Variants in CELF4 observed in about 807,000 individuals in gnomAD.
CELF4 encodes CUGBP Elav-like family member 4.
CELF4 carries 18 observed loss-of-function variants against 59.9 expected under a neutral mutation model. That is an observed-to-expected ratio of 0.30 (90% CI 0.21 to 0.45). CELF4 has a LOEUF of 0.45. Ranked by LOEUF, CELF4 falls within the 20% of genes least tolerant of loss-of-function variation. CELF4 has a pLI of 1.00. For synonymous variants in CELF4, 261 were observed against 267.1 expected (o/e 0.98, Z 0.22); for missense variants, 456 against 689.0 (o/e 0.66, Z 3.79).
intron 2 of CELF4, among the ~76,000 whole-genome samples, chr18:37,382,305 G>T (rs1356713448): frequency 3.9e-5 from 6 of 152,218 alleles, no homozygotes; most frequent in Non-Finnish European, 8.8e-5. Flanking sequence ...TGGCTCTTGA[G>T]CATGTTCTAA....
intron 2 of CELF4, among the ~76,000 whole-genome samples, chr18:37,448,833 C>T (rs1337559683): frequency 4.6e-5 from 7 of 152,202 alleles, no homozygotes; most frequent in Non-Finnish European, 1.0e-4. Context: ...CAGAATGTGT[C>T]TACTCACCCT....
intron 2 of CELF4, among the ~76,000 whole-genome samples, chr18:37,443,419 A>G (rs2099738725): frequency 6.6e-6 from 1 of 152,078 alleles, no homozygotes; most frequent in Admixed American, 6.5e-5. Flanking sequence ...CTCTGCATAA[A>G]GGCCCTGGGC....
intron 7 of CELF4, 117 bp downstream of exon 7, chr18:37,272,899 C>T: frequency 9.6e-7 from 1 of 1,038,984 alleles, no homozygotes; most frequent in Non-Finnish European, 1.4e-6. Flanking sequence ...CCTCTCGGGC[C>T]CAGACACTAT....
intron 1 of CELF4, among the ~76,000 whole-genome samples, chr18:37,535,890 C>T: frequency 6.6e-6 from 1 of 152,162 alleles, no homozygotes; most frequent in Non-Finnish European, 1.5e-5. Flanking sequence ...TTTTTGGGTT[C>T]CTCTAGTCTC....
At position 37,254,999 on chromosome 18, in the gene CELF4, C is replaced by T. The variant is rs564082260; in HGVS notation, c.1334-1061G>A. On this transcript the variant is annotated intron_variant, in intron 11 of 12. Transcript: ENST00000420428. This position sits in a 1 kb window ranked among gnomAD's most constrained non-coding sequence, Gnocchi z 5.1. ...AGCATATCAACAAATAACGTCCCCTCCCTCACCGAGTTGTAGTAAATGAAC... is the reference window on the plus strand; with the variant it reads ...AGCATATCAACAAATAACGTCCCCTTCCTCACCGAGTTGTAGTAAATGAAC... Among the ~76,000 whole-genome samples the T allele has an allele frequency of 1.3e-5, 2 of 152,346 alleles. No individual in the cohort carries two copies. The highest frequency in any genetic ancestry group is 2.1e-4 in the South Asian group (1 of 4,828).
chr18:37,403,679 C>T (rs1385934502), intron 2 of CELF4, among the ~76,000 whole-genome samples: 6 of 152,166 alleles, frequency 3.9e-5, no homozygotes, highest in Admixed American at 1.3e-4. Flanking sequence ...GGCAGGACAG[C>T]GCAGGTGTGT....
chr18:37,469,752 C>T (rs1272154427), intron 2 of CELF4, among the ~76,000 whole-genome samples: 2 of 152,180 alleles, frequency 1.3e-5, no homozygotes, highest in East Asian at 1.9e-4. Flanking sequence ...GGCCAGATAG[C>T]GGGTTTTCTT....
At chr18:37,364,815 TAGAA>T (rs1346673259) in intron 2 of CELF4, among the ~76,000 whole-genome samples, 3 of 152,012 alleles carry the variant, frequency 2.0e-5, no homozygotes, top group African/African-American at 7.2e-5. Context: ...TATGGGAAAA[TAGAA>T]AGAACAGAAG....
At chr18:37,512,614 TCTC>T (rs2099945785) in intron 1 of CELF4, among the ~76,000 whole-genome samples, 3 of 151,454 alleles carry the variant, frequency 2.0e-5, no homozygotes, top group East Asian at 3.9e-4. Context: ...TTCTCCTCCT[TCTC>T]CTCCTCCTCT....
At chr18:37,365,653 T>A (rs1375807483) in intron 2 of CELF4, among the ~76,000 whole-genome samples, 1 of 151,962 alleles carries the variant, frequency 6.6e-6, no homozygotes, top group Non-Finnish European at 1.5e-5. Flanking sequence ...ACTCGGCTAA[T>A]TTTTGTATTT....
intron 2 of CELF4, among the ~76,000 whole-genome samples, chr18:37,386,202 G>C (rs191683811): frequency 4.7e-4 from 71 of 152,300 alleles, no homozygotes; most frequent in African/African-American, 1.3e-3. Context: ...CTGTGGACCT[G>C]CAGATGTACA....
At chr18:37,446,579 G>A (rs756122421) in intron 2 of CELF4, among the ~76,000 whole-genome samples, 9 of 152,228 alleles carry the variant, frequency 5.9e-5, no homozygotes, top group Non-Finnish European at 1.0e-4. Context: ...GGTTAAATGA[G>A]AGTCCATGTA....
chr18:37,411,820 G>A (rs1311844647), intron 2 of CELF4, among the ~76,000 whole-genome samples: 1 of 152,170 alleles, frequency 6.6e-6, no homozygotes, highest in Non-Finnish European at 1.5e-5. Context: ...GCCTAGATAG[G>A]CCCTCTCAAG....
chr18:37,408,963 A>G (rs921053960), intron 2 of CELF4, among the ~76,000 whole-genome samples: 3 of 152,164 alleles, frequency 2.0e-5, no homozygotes, highest in African/African-American at 7.2e-5. Flanking sequence ...AAGGTCTGTC[A>G]ATTCATCATG....
At chr18:37,297,976 A>G (rs1318899123) in intron 3 of CELF4, among the ~76,000 whole-genome samples, 1 of 152,254 alleles carries the variant, frequency 6.6e-6, no homozygotes, top group Admixed American at 6.5e-5. Context: ...TCCCTTGGCC[A>G]GAGGCGCAGC....
intron 1 of CELF4, among the ~76,000 whole-genome samples, chr18:37,514,616 G>A (rs2099948535): frequency 6.6e-6 from 1 of 152,162 alleles, no homozygotes; most frequent in Non-Finnish European, 1.5e-5. Context: ...CAAGCCCAAG[G>A]AGGCCTGGGC....
intron 1 of CELF4, among the ~76,000 whole-genome samples, chr18:37,556,063 T>C (rs1205214112): frequency 6.6e-6 from 1 of 152,192 alleles, no homozygotes; most frequent in Admixed American, 6.5e-5. Flanking sequence ...ATCACAGAGT[T>C]CCTACAAATA....
At position 37,488,288 on chromosome 18, in the gene CELF4, C is replaced by A. The variant is rs59294513; in HGVS notation, c.287-2681G>T. Among the ~76,000 whole-genome samples the A allele has an allele frequency of 6.9e-3, 1,052 of 152,256 alleles. 13 individuals are homozygous for A. Among genetic ancestry groups the A allele is most frequent in the African/African-American group, 0.024 (1,002 of 41,530 alleles). ...CACCCATCACTCCCTGACAGAGTCA[C>A]ATATATTTGCTCTTTGAGGGGCAGG... On this transcript the variant is annotated intron_variant, in intron 1 of 12. Transcript: ENST00000420428.
intron 3 of CELF4, among the ~76,000 whole-genome samples, chr18:37,309,691 G>A (rs548643967): frequency 2.0e-5 from 3 of 152,174 alleles, no homozygotes; most frequent in South Asian, 4.2e-4. Flanking sequence ...GCGTGTGCAC[G>A]AGCAGAGGTA....
Sources: gnomAD v4.1 joint callset for allele counts (sites outside exome capture counted in the v4.1 genomes callset) on GRCh38, gnomAD v4.1.1 for gene constraint, Gnocchi (gnomAD v3.1) non-coding constraint, MANE v1.5 for transcripts, NCBI Gene and HGNC (gene_info 2026-07-23, HGNC 2026-07-21) for gene names.